The following FAM13C variants were observed in gnomAD, a reference collection of about 807,000 sequenced individuals.
The protein encoded by FAM13C is family with sequence similarity 13 member C, also known as protein FAM13C.
Under a neutral mutation model 73.2 loss-of-function variants are expected in FAM13C, and 37 were observed. That is an observed-to-expected ratio of 0.51 (90% CI 0.39 to 0.67). The LOEUF (loss-of-function observed/expected upper bound fraction) is 0.67. Ranked by LOEUF, FAM13C falls within the 30% of genes least tolerant of loss-of-function variation. The pLI, the probability that FAM13C is intolerant of heterozygous loss-of-function variation, is 0.00. For missense variants in FAM13C, 589 were observed against 715.6 expected (o/e 0.82, Z 2.02); for synonymous variants, 246 against 260.9 (o/e 0.94, Z 0.55).
Position 59,362,436 on chromosome 10 carries a change from G to T in FAM13C, c.25C>A (p.Leu9Ile). The T allele has an allele frequency of 1.2e-6, 2 of 1,613,998 alleles. No homozygotes were observed. The highest frequency in any genetic ancestry group is 1.7e-6 in the Non-Finnish European group (2 of 1,179,972). ...GTGCTGCTGAAGGAATTATCCTGAA[G>T]GCTGAAACAGAAACAAGAAAACATC... MFSCFCFS[L>I]QDNSFSSTTV... The change falls in exon 1 of 14, where the codon CTT (leucine) becomes ATT (isoleucine). Residue 9 changes from leucine to isoleucine, a missense_variant. Physicochemically the swap from Leu to Ile is conservative, Grantham distance 5. Transcript: ENST00000618804.
chr10:59,353,765 A>G (rs192602), intron 2 of FAM13C, among the ~76,000 whole-genome samples: 145,650 of 152,300 alleles, frequency 0.96, 69,826 homozygotes, highest in Middle Eastern at 0.99. Context: ...AAATAAAACT[A>G]CGTGACATAG....
chr10:59,354,442 T>C (rs1855453671), intron 2 of FAM13C, among the ~76,000 whole-genome samples: 1 of 152,188 alleles, frequency 6.6e-6, no homozygotes, highest in South Asian at 2.1e-4. Context: ...GAATAAATCA[T>C]GACTGAGAAA....
chr10:59,344,332 G>A (rs1853970300), intron 3 of FAM13C, among the ~76,000 whole-genome samples: 1 of 147,836 alleles, frequency 6.8e-6, no homozygotes, highest in Non-Finnish European at 1.5e-5. Context: ...AGGCTGGAGT[G>A]CAGCAGCGCG....
chr10:59,264,425 T>C (rs1295059085), intron 8 of FAM13C, among the ~76,000 whole-genome samples: 1 of 152,200 alleles, frequency 6.6e-6, no homozygotes, highest in Non-Finnish European at 1.5e-5. Context: ...TTTCTAAATG[T>C]GCCTGGTCAC....
At chr10:59,340,798 A>G (rs1394179754) in intron 3 of FAM13C, among the ~76,000 whole-genome samples, 1 of 151,840 alleles carries the variant, frequency 6.6e-6, no homozygotes, top group Non-Finnish European at 1.5e-5. Flanking sequence ...TTGGTGCAAA[A>G]GTAACTGCGG....
At chr10:59,251,513 T>A in intron 13 of FAM13C, 62 bp downstream of exon 13, 1 of 1,447,512 alleles carries the variant, frequency 6.9e-7, no homozygotes, top group South Asian at 1.2e-5. Flanking sequence ...AAATTGCAGC[T>A]CATTTTTAAC....
intron 13 of FAM13C, among the ~76,000 whole-genome samples, chr10:59,249,162 T>C (rs1470554477): frequency 6.6e-6 from 1 of 152,200 alleles, no homozygotes; most frequent in African/African-American, 2.4e-5. Context: ...CCCAGCACTT[T>C]GAGAGGCCGA....
intron 11 of FAM13C, among the ~76,000 whole-genome samples, 174 bp from the exon 12 acceptor site, chr10:59,253,172 A>G (rs548739967): frequency 6.6e-5 from 10 of 152,216 alleles, no homozygotes; most frequent in Non-Finnish European, 1.3e-4. Context: ...CAGTTTCATT[A>G]AAAACCTACA....
chr10:59,287,447 CATT>C (rs1845734994), intron 5 of FAM13C, among the ~76,000 whole-genome samples: 1 of 149,046 alleles, frequency 6.7e-6, no homozygotes, highest in African/African-American at 2.5e-5. Flanking sequence ...GAAAGGCTAG[CATT>C]CTTTCTTTAA....
intron 12 of FAM13C, among the ~76,000 whole-genome samples, chr10:59,252,337 C>A (rs188206355): frequency 3.9e-5 from 6 of 152,122 alleles, no homozygotes; most frequent in African/African-American, 1.4e-4. Context: ...GAAGTCCCAA[C>A]ACCCCTTGAA....
intron 3 of FAM13C, among the ~76,000 whole-genome samples, chr10:59,346,364 G>C (rs1429985310): frequency 6.6e-6 from 1 of 152,136 alleles, no homozygotes; most frequent in African/African-American, 2.4e-5. Context: ...TCTGTAGAAA[G>C]ATAAAAATGA....
intron 3 of FAM13C, among the ~76,000 whole-genome samples, chr10:59,327,161 C>CCTTA (rs1435049295): frequency 6.6e-6 from 1 of 152,078 alleles, no homozygotes; most frequent in Non-Finnish European, 1.5e-5. Flanking sequence ...GACCCAAGTA[C>CCTTA]CTTACAGGGA....
At chr10:59,337,153 T>C (rs913781685) in intron 3 of FAM13C, among the ~76,000 whole-genome samples, 1 of 152,204 alleles carries the variant, frequency 6.6e-6, no homozygotes, top group East Asian at 1.9e-4. Context: ...AATTCTATCA[T>C]TGAAGAAAGA....
In FAM13C at chr10:59,316,532, G is replaced by A. The variant is rs138488317; in HGVS notation, c.443+7456C>T. Among the ~76,000 whole-genome samples, 10 of 152,178 alleles carry A rather than the reference G, an allele frequency of 6.6e-5. No individual in the cohort carries two copies. In the South Asian group the frequency reaches 8.3e-4, roughly 13 times the overall value. On this transcript the variant is annotated intron_variant, in intron 4 of 13. Coordinates refer to ENST00000618804, the MANE Select transcript of FAM13C (RefSeq NM_198215.4). Reference sequence around the variant, plus strand: ...GAGAAATGCATCCTTAGGCTATTTCGTTGTTGTGCAAACACCACAGAGTGT... The same window carrying A: ...GAGAAATGCATCCTTAGGCTATTTCATTGTTGTGCAAACACCACAGAGTGT...
chr10:59,305,110 T>C (rs1410893058), intron 4 of FAM13C, among the ~76,000 whole-genome samples: 1 of 152,214 alleles, frequency 6.6e-6, no homozygotes, highest in Non-Finnish European at 1.5e-5. Context: ...TCAGGTATTC[T>C]GCAATAGCAA....
intron 4 of FAM13C, among the ~76,000 whole-genome samples, chr10:59,304,797 AGGG>A (rs1848023184): frequency 1.0e-5 from 1 of 96,004 alleles, no homozygotes; most frequent in African/African-American, 3.8e-5. Context: ...AGGGAAGGGA[AGGG>A]AAGGGAAGGG....
intron 3 of FAM13C, among the ~76,000 whole-genome samples, chr10:59,349,465 A>C (rs1212032829): frequency 6.6e-6 from 1 of 152,180 alleles, no homozygotes; most frequent in Non-Finnish European, 1.5e-5. Flanking sequence ...GAGGAACAAG[A>C]ATTAATTACA....
At chr10:59,341,211 C>T (rs1214470266) in intron 3 of FAM13C, among the ~76,000 whole-genome samples, 6 of 152,138 alleles carry the variant, frequency 3.9e-5, no homozygotes, top group Non-Finnish European at 5.9e-5. Context: ...TAAACCTTCA[C>T]GGTCTCCCTT....
chr10:59,301,168 A>G (rs1035880854), intron 5 of FAM13C: 1 of 152,200 alleles, frequency 6.6e-6, no homozygotes, highest in Middle Eastern at 3.2e-3. Context: ...AGTTTCCCCA[A>G]GGTCTTTTCT....
Sources: allele counts gnomAD v4.1 joint callset (sites outside exome capture counted in the v4.1 genomes callset), GRCh38; gene constraint gnomAD v4.1.1; transcripts MANE v1.5; gene names NCBI Gene and HGNC (gene_info 2026-07-23, HGNC 2026-07-21).